The following KAT2B variants were observed in gnomAD, a reference collection of about 807,000 sequenced individuals.
The protein encoded by KAT2B is lysine acetyltransferase 2B, also known as histone acetyltransferase KAT2B.
A neutral mutation model predicts 105.9 loss-of-function variants in KAT2B; 36 were observed. The observed-to-expected ratio is 0.34, with a 90% CI of 0.26 to 0.45. The LOEUF (loss-of-function observed/expected upper bound fraction) is 0.45. Among genes scored for constraint, KAT2B ranks in the 20% least tolerant of loss-of-function variants. The pLI is 1.00. For missense variants in KAT2B, 820 were observed against 1,021.6 expected (o/e 0.80, Z 2.69); for synonymous variants, 397 against 377.9 (o/e 1.05, Z -0.59).
At chr3:20,078,181 A>AAAATAAATAAAT (rs1323987537) in intron 2 of KAT2B, among the ~76,000 whole-genome samples, 132 of 151,734 alleles carry the variant, frequency 8.7e-4, no homozygotes, top group African/African-American at 2.8e-3. Context: ...CCCTGTCTCA[A>AAAATAAATAAAT]AAATAAATAA....
At chr3:20,081,873 T>G (rs1698525063) in intron 2 of KAT2B, among the ~76,000 whole-genome samples, 1 of 87,438 alleles carries the variant, frequency 1.1e-5, no homozygotes, top group Non-Finnish European at 2.1e-5. Context: ...TTGCTGTCAT[T>G]GGCTCATATA....
intron 14 of KAT2B, 132 bp from the exon 15 acceptor site, chr3:20,147,831 A>C: frequency 1.3e-6 from 1 of 760,528 alleles, no homozygotes; most frequent in Non-Finnish European, 2.2e-6. Flanking sequence ...AATTGCCATT[A>C]ATTTCAGTCG....
chr3:20,072,500 T>G (rs1399971249), intron 2 of KAT2B, 41 bp downstream of exon 2: 1 of 1,591,340 alleles, frequency 6.3e-7, no homozygotes, highest in Non-Finnish European at 8.6e-7. Flanking sequence ...ACGAGTTCAT[T>G]GTAGCGTGAG....
At chr3:20,125,778 T>C in intron 9 of KAT2B, 127 bp from the exon 10 acceptor site, 2 of 722,370 alleles carry the variant, frequency 2.8e-6, no homozygotes. Flanking sequence ...CACATGTGTA[T>C]TTAGGACTCT....
chr3:20,059,164 G>T (rs917721751), intron 1 of KAT2B, among the ~76,000 whole-genome samples: 18 of 152,106 alleles, frequency 1.2e-4, no homozygotes, highest in Admixed American at 2.6e-4. Context: ...TGTAATCCCA[G>T]CACTTTGGGA....
chr3:20,110,327 A>G (rs998976489), intron 5 of KAT2B, among the ~76,000 whole-genome samples: 1 of 151,876 alleles, frequency 6.6e-6, no homozygotes, highest in Non-Finnish European at 1.5e-5. Flanking sequence ...TGTTATATTT[A>G]TGTTTTTGGG....
chr3:20,075,924 A>AAT (rs1330988837), intron 2 of KAT2B, among the ~76,000 whole-genome samples: 4 of 150,522 alleles, frequency 2.7e-5, no homozygotes, highest in Non-Finnish European at 3.0e-5. Flanking sequence ...AAAAAAAAAA[A>AAT]TTTTTTTCAT....
At chr3:20,108,406 A>G (rs1330903094) in intron 5 of KAT2B, among the ~76,000 whole-genome samples, 4 of 152,236 alleles carry the variant, frequency 2.6e-5, no homozygotes, top group African/African-American at 9.6e-5. Context: ...ATAAATCTTT[A>G]AACCTTTCAT....
chr3:20,052,805 T>TA (rs1381551713), intron 1 of KAT2B, among the ~76,000 whole-genome samples: 1 of 151,846 alleles, frequency 6.6e-6, no homozygotes, highest in Non-Finnish European at 1.5e-5. Flanking sequence ...CCATGTCTAC[T>TA]AAAAAAACAA....
chr3:20,040,630 C>T lies in KAT2B; in HGVS notation c.153C>T (p.Ala51=), dbSNP rs752316769. ...CCGCTGCCGCCGGGGGCTCGGGCGC[C>T]TGCGGTCCGGCGACGGCAGTGGCTG... The part of the protein sequence containing the change: ...PCAAAAGGSG[A]CGPATAVAAA... Residue 51 remains alanine, a synonymous_variant, in exon 1 of 18, where the codon GCC becomes GCT. Coordinates refer to ENST00000263754, the MANE Select transcript of KAT2B (RefSeq NM_003884.5). 1.5e-6 allele frequency: 2 copies of T among 1,372,576 alleles called. No individual in the cohort carries two copies. Among genetic ancestry groups the T allele is most frequent in the South Asian group, 1.7e-5 (1 of 59,910 alleles). 85.0% of individuals were successfully genotyped at this position (1,372,576 alleles called of 1,614,324 possible). A position where few individuals can be genotyped will look rare whatever the true frequency, so the allele number is the denominator to read the frequency against.
At chr3:20,057,630 A>G (rs1037723095) in intron 1 of KAT2B, among the ~76,000 whole-genome samples, 6 of 152,206 alleles carry the variant, frequency 3.9e-5, no homozygotes, top group African/African-American at 1.4e-4. Flanking sequence ...TGTGTATTAA[A>G]TGGAAAGAAA....
Position 20,137,032 on chromosome 3 carries a change from A to AT in KAT2B, c.1842dup (p.Gly615TrpfsTer4). On this transcript the variant is annotated frameshift_variant, in exon 12 of 18. Coordinates refer to ENST00000263754, the MANE Select transcript of KAT2B (RefSeq NM_003884.5). LOFTEE classifies it high-confidence loss of function. Reference sequence around the variant, plus strand: ...CCTCACATATGCAGATGAATATGCAATTGGATACTTTAAGAAACAGGTTGG... The same window carrying AT: ...CCTCACATATGCAGATGAATATGCAATTTGGATACTTTAAGAAACAGGTTGG... 1 of 1,581,276 alleles carries AT rather than the reference A, an allele frequency of 6.3e-7. No homozygotes were observed. The highest frequency in any genetic ancestry group is 8.7e-7 in the Non-Finnish European group (1 of 1,150,260).
At chr3:20,151,861 G>T (rs777853878) in intron 17 of KAT2B, among the ~76,000 whole-genome samples, 1 of 152,126 alleles carries the variant, frequency 6.6e-6, no homozygotes, top group Admixed American at 6.5e-5. Flanking sequence ...TTTATTATCA[G>T]TTTCTCTATA....
At chr3:20,093,093 T>A (rs1167134650) in intron 2 of KAT2B, among the ~76,000 whole-genome samples, 9 of 152,194 alleles carry the variant, frequency 5.9e-5, no homozygotes, top group African/African-American at 2.2e-4. Flanking sequence ...TCCTCTTAAC[T>A]CTCTGAAAAT....
intron 1 of KAT2B, among the ~76,000 whole-genome samples, chr3:20,049,627 T>C (rs1379044077): frequency 6.6e-6 from 1 of 152,224 alleles, no homozygotes; most frequent in Admixed American, 6.5e-5. Context: ...CATTCTGCTG[T>C]CGTTTGAAAT....
Position 20,113,971 on chromosome 3 carries a change from C to T in KAT2B, c.1044-911C>T, listed in dbSNP as rs1699163686. Reference sequence around the variant, plus strand: ...AAGAAGACCACTGATAGCTTCACCACTCTGAACTATTTTTAGTGCTTTTAG... The same window carrying T: ...AAGAAGACCACTGATAGCTTCACCATTCTGAACTATTTTTAGTGCTTTTAG... On this transcript the variant is annotated intron_variant, in intron 6 of 17. Transcript: ENST00000263754. 2.0e-5 allele frequency among the ~76,000 whole-genome samples: 3 copies of T among 152,168 alleles called. No homozygotes were observed. The South Asian group carries it at 6.2e-4, about 32-fold the overall frequency.
chr3:20,091,637 C>T (rs538328202), intron 2 of KAT2B, among the ~76,000 whole-genome samples: 1 of 152,096 alleles, frequency 6.6e-6, no homozygotes, highest in East Asian at 1.9e-4. Context: ...TTGCCATAAG[C>T]TTCTTTCTTA....
chr3:20,049,351 T>A (rs1487726967), intron 1 of KAT2B, among the ~76,000 whole-genome samples: 1 of 152,206 alleles, frequency 6.6e-6, no homozygotes, highest in East Asian at 1.9e-4. Flanking sequence ...GTTTGTGTGT[T>A]TGCCAAAGTG....
At chr3:20,048,030 C>T (rs192991872) in intron 1 of KAT2B, among the ~76,000 whole-genome samples, 2 of 152,250 alleles carry the variant, frequency 1.3e-5, no homozygotes, top group Admixed American at 1.3e-4. Flanking sequence ...ATTGTCACAG[C>T]AAAGTACAAA....
Sources: gnomAD v4.1 joint callset for allele counts (sites outside exome capture counted in the v4.1 genomes callset) on GRCh38, gnomAD v4.1.1 for gene constraint, MANE v1.5 for transcripts, NCBI Gene and HGNC (gene_info 2026-07-23, HGNC 2026-07-21) for gene names.